BOP1: variants seen among roughly 807,000 people sequenced by gnomAD.
BOP1 encodes the protein BOP1 ribosomal biogenesis factor, also known as ribosome biogenesis protein BOP1.
In BOP1, 54 loss-of-function variants were observed where a neutral mutation model predicts 82.9. The ratio of observed to expected loss-of-function variants is 0.65; its 90% CI spans 0.52 to 0.82. The LOEUF is 0.82. Ranked by LOEUF, BOP1 falls within the 40% of genes least tolerant of loss-of-function variation. The probability of loss-of-function intolerance (pLI) is 0.00; values close to 1 mark genes in which losing one functional copy is unlikely to be tolerated. For missense variants in BOP1, 1,170 were observed against 1,072.0 expected, an observed-to-expected ratio of 1.09 and a Z score of -1.28; for synonymous variants, 566 against 451.1, an observed-to-expected ratio of 1.25 and a Z score of -3.23.
Position 144,263,598 on chromosome 8 carries a change from CCGT to C in BOP1, c.1301_1303del (p.Asp434del), listed in dbSNP as rs1192641621. The C allele has an allele frequency of 3.7e-6, 6 of 1,606,454 alleles. No homozygotes were observed. The highest frequency in any genetic ancestry group is 3.4e-6 in the Non-Finnish European group (4 of 1,179,720). On this transcript the variant is annotated inframe_deletion, in exon 11 of 16. Transcript: ENST00000569669. Reference sequence around the variant, plus strand: ...GGCCACCTCCCAGAGCCGCAGGGAGCCGTCGTCAGAGCCTGGATGCGGCAGAGA... The same window carrying C: ...GGCCACCTCCCAGAGCCGCAGGGAGCCGTCAGAGCCTGGATGCGGCAGAGA...
intron 3 of BOP1, among the ~76,000 whole-genome samples, chr8:144,269,932 A>C (rs1270015852): frequency 6.6e-6 from 1 of 152,032 alleles, no homozygotes; most frequent in Non-Finnish European, 1.5e-5. Context: ...CACGGCGCCC[A>C]CGCCAGCCCT....
In BOP1 at chr8:144,262,971, G is replaced by A; in HGVS notation, c.1776C>T (p.Pro592=). 1 of 1,549,880 alleles carries A rather than the reference G, an allele frequency of 6.5e-7. No individual in the cohort carries two copies. Among genetic ancestry groups the A allele is most frequent in the East Asian group, 2.4e-5 (1 of 42,274 alleles). ...TGCGCTGGGACGCCACCAACAGGAA[G>A]GGCCGGGCAGGGTGGAAGGCCACTC... ...VQRVAFHPAR[P]FLLVASQRSV... is the part of the protein sequence containing the mutation. The change falls in exon 13 of 16, where the codon CCC becomes CCT. Residue 592 remains proline (P), a synonymous_variant. Transcript: ENST00000569669.
rs587712962 is a variant in BOP1 at position 144,278,043 on chromosome 8, G to A, written c.310-1739C>T. ...CCACGCCCATGCCTGGAGTCAGCCC[G>A]GATTCTCCAGGGTCTCCAGCACCAC... On this transcript the variant is annotated intron_variant, in intron 2 of 15. Transcript: ENST00000569669. 2.3e-4 allele frequency among the ~76,000 whole-genome samples: 35 copies of A among 152,342 alleles called. 1 individual carries two copies. The highest frequency in any genetic ancestry group is 1.4e-3 in the South Asian group (7 of 4,834).
At chr8:144,263,635 A>T in intron 10 of BOP1, 25 bp from the exon 11 acceptor site, 5 of 1,608,014 alleles carry the variant, frequency 3.1e-6, no homozygotes, top group Non-Finnish European at 4.2e-6. Flanking sequence ...GACAGCTCTC[A>T]ACACCTGGCC....
intron 3 of BOP1, among the ~76,000 whole-genome samples, chr8:144,274,256 C>T (rs1845537126): frequency 6.6e-6 from 1 of 152,216 alleles, no homozygotes; most frequent in African/African-American, 2.4e-5. Flanking sequence ...AGGGCCCCGG[C>T]AGTGAGGTCG....
chr8:144,278,970 G>A (rs935281702), intron 2 of BOP1, among the ~76,000 whole-genome samples: 41 of 152,362 alleles, frequency 2.7e-4, no homozygotes, highest in African/African-American at 7.0e-4. Flanking sequence ...AAGGTAACTC[G>A]GGGCAGGAGC....
intron 2 of BOP1, among the ~76,000 whole-genome samples, chr8:144,287,497 G>T (rs1335378160): frequency 1.3e-5 from 2 of 151,730 alleles, no homozygotes; most frequent in Non-Finnish European, 2.9e-5. Flanking sequence ...TTTCCAGGAT[G>T]TTTTATCTCA....
At chr8:144,265,227 C>G in intron 3 of BOP1, 156 bp from the exon 4 acceptor site, 2 of 860,392 alleles carry the variant, frequency 2.3e-6, no homozygotes, top group Non-Finnish European at 3.5e-6. Context: ...TGTTCCCCAG[C>G]CCTGGGGTCT....
At position 144,264,902 on chromosome 8, in the gene BOP1, C is replaced by A; in HGVS notation, c.545+15G>T. The A allele has an allele frequency of 6.2e-7, 1 of 1,610,940 alleles. No individual in the cohort carries two copies. The highest frequency in any genetic ancestry group is 1.3e-5 in the African/African-American group (1 of 74,966). ...GGCCCACCCCGGCTGCTGGCCCCAC[C>A]CCACCAGCCCTCACCAGTAGTCAGG... On this transcript the variant is annotated intron_variant, in intron 4 of 15. Transcript: ENST00000569669.
rs1845426582 is a variant in BOP1, at chr8:144,268,245, A to C, written c.391-3174T>G. On this transcript the variant is annotated intron_variant, in intron 3 of 15. Coordinates refer to ENST00000569669, the MANE Select transcript of BOP1 (RefSeq NM_015201.5). The stretch of plus-strand genomic sequence containing the variant: ...CTTGGACCTGAGCTGGGCAAGGCCC[A>C]CCGCAAGCATGCCCCCAGGCCAGCC... 3 of 1,498,568 alleles carry C rather than the reference A, an allele frequency of 2.0e-6. No individual in the cohort carries two copies. The South Asian group carries it at 3.7e-5, about 18-fold the overall frequency. 92.8% of individuals were successfully genotyped at this position (1,498,568 alleles called of 1,614,324 possible).
chr8:144,286,006 G>T (rs1814857533), intron 2 of BOP1, among the ~76,000 whole-genome samples: 2 of 152,234 alleles, frequency 1.3e-5, no homozygotes, highest in South Asian at 4.1e-4. Flanking sequence ...ACATGCAGGA[G>T]GCAGCACTGG....
chr8:144,289,328 G>A, intron 1 of BOP1, 24 bp from the exon 2 acceptor site: 2 of 1,609,514 alleles, frequency 1.2e-6, no homozygotes, highest in Middle Eastern at 1.7e-4. Context: ...CTGGGTTGGT[G>A]ACAACTGCCC....
chr8:144,275,524 C>T (rs898445217), intron 3 of BOP1, among the ~76,000 whole-genome samples: 8 of 151,510 alleles, frequency 5.3e-5, no homozygotes, highest in Non-Finnish European at 2.9e-5. Flanking sequence ...AGCCCGGTGC[C>T]AGCCTCTCCA....
At chr8:144,283,483 T>C (rs1814774845) in intron 2 of BOP1, among the ~76,000 whole-genome samples, 1 of 152,186 alleles carries the variant, frequency 6.6e-6, no homozygotes, top group East Asian at 1.9e-4. Flanking sequence ...GGCTCATTTT[T>C]TAAATTTTCT....
At chr8:144,276,075 C>T (rs1845563755) in intron 3 of BOP1, 149 bp downstream of exon 3, 7 of 849,682 alleles carry the variant, frequency 8.2e-6, no homozygotes, top group Middle Eastern at 3.4e-4. Flanking sequence ...GGAAGCAGGA[C>T]GCCCACGTGG....
intron 3 of BOP1, 79 bp from the exon 4 acceptor site, chr8:144,265,150 AG>A (rs1845331410): frequency 1.3e-6 from 2 of 1,505,934 alleles, no homozygotes; most frequent in Non-Finnish European, 9.0e-7. Flanking sequence ...GGAGCAGGTG[AG>A]GGGGTTGCAG....
intron 2 of BOP1, 118 bp from the exon 3 acceptor site, chr8:144,276,422 C>A: frequency 8.4e-7 from 1 of 1,190,576 alleles, no homozygotes; most frequent in Non-Finnish European, 1.2e-6. Context: ...CTGGCACAGG[C>A]CTCAGCACAA....
intron 3 of BOP1, chr8:144,267,978 G>A: frequency 7.1e-7 from 1 of 1,412,120 alleles, no homozygotes; most frequent in Non-Finnish European, 9.8e-7. Context: ...GAGGGAAGCT[G>A]GGGAGAGCCG....
intron 1 of BOP1, 57 bp from the exon 2 acceptor site, chr8:144,289,361 A>C (rs1814971560): frequency 6.4e-7 from 1 of 1,569,484 alleles, no homozygotes; most frequent in Admixed American, 1.8e-5. Flanking sequence ...GGCACTGAAC[A>C]CTGCAGGGAG....
Sources: gnomAD v4.1 joint callset for allele counts (sites outside exome capture counted in the v4.1 genomes callset) on GRCh38, gnomAD v4.1.1 for gene constraint, MANE v1.5 for transcripts, NCBI Gene and HGNC (gene_info 2026-07-23, HGNC 2026-07-21) for gene names.